HMCN1: variants seen among roughly 807,000 people sequenced by gnomAD.
HMCN1 encodes the protein hemicentin 1.
HMCN1 carries 321 observed loss-of-function variants against 625.9 expected under a neutral mutation model. The ratio of observed to expected loss-of-function variants is 0.51; its 90% CI spans 0.47 to 0.56. HMCN1 has a LOEUF of 0.56. Among genes scored for constraint, HMCN1 ranks in the 20% least tolerant of loss-of-function variants. The pLI, the probability that HMCN1 is intolerant of heterozygous loss-of-function variation, is 0.00. For missense variants in HMCN1, 6,588 were observed against 6,887.3 expected, an observed-to-expected ratio of 0.96 and a Z score of 1.54; for synonymous variants, 2,425 against 2,417.6, an observed-to-expected ratio of 1.00 and a Z score of -0.09.
At chr1:186,025,505 C>T (rs1655005793) in intron 36 of HMCN1, among the ~76,000 whole-genome samples, 2 of 152,184 alleles carry the variant, frequency 1.3e-5, no homozygotes, top group South Asian at 4.1e-4. Flanking sequence ...TTTGGAAAAA[C>T]ATTGGCCTAG....
At position 186,174,616 on chromosome 1, in the gene HMCN1, C is replaced by T. The variant is rs1315004350; in HGVS notation, c.15917C>T (p.Ser5306Phe). 6.2e-7 allele frequency: 1 copy of T among 1,613,990 alleles called. No individual in the cohort carries two copies. Among genetic ancestry groups the T allele is most frequent in the Non-Finnish European group, 8.5e-7 (1 of 1,179,918 alleles). ...YRCVCPRGYRSQGVGRPCMDI... is the reference protein window; with the variant it reads ...YRCVCPRGYRFQGVGRPCMDI... ...TGTGTATGCCCAAGAGGTTATCGGT[C>T]TCAAGGAGTTGGAAGACCCTGCATG... is the stretch of plus-strand genomic sequence containing the variant. Residue 5306 changes from serine to phenylalanine, a missense_variant, in exon 103 of 107, where the codon TCT becomes TTT. Around this residue, in one of 3 missense-constraint regions of HMCN1, gnomAD observed 1,954 missense variants for 2,013.1 expected, o/e 0.97. Coordinates refer to ENST00000271588, the MANE Select transcript of HMCN1 (RefSeq NM_031935.3).
intron 11 of HMCN1, among the ~76,000 whole-genome samples, chr1:185,951,825 T>C (rs1294800821): frequency 6.6e-6 from 1 of 151,662 alleles, no homozygotes; most frequent in African/African-American, 2.4e-5. Context: ...CATTTGGAAG[T>C]TCTTGTGTGC....
intron 11 of HMCN1, 92 bp from the exon 12 acceptor site, chr1:185,962,426 G>A: frequency 1.0e-6 from 1 of 990,390 alleles, no homozygotes; most frequent in Non-Finnish European, 1.6e-6. Context: ...TAAAGATGTG[G>A]TGGTGAGAAA....
intron 1 of HMCN1, among the ~76,000 whole-genome samples, chr1:185,746,605 C>CTTTTTT (rs59992589): frequency 6.0e-5 from 8 of 132,350 alleles, no homozygotes; most frequent in Admixed American, 7.6e-5. Flanking sequence ...TTTCCTTTTC[C>CTTTTTT]TTTTTTTTTT....
intron 4 of HMCN1, among the ~76,000 whole-genome samples, chr1:185,905,370 C>T (rs1045314142): frequency 2.0e-5 from 3 of 151,552 alleles, no homozygotes; most frequent in African/African-American, 7.3e-5. Context: ...ATGGTGTCTG[C>T]CCTCATAGAA....
At chr1:186,093,813 A>G (rs1286686129) in intron 66 of HMCN1, 144 bp downstream of exon 66, 2 of 1,064,458 alleles carry the variant, frequency 1.9e-6, no homozygotes, top group Non-Finnish European at 2.8e-6. Flanking sequence ...TAGTAGAGGA[A>G]GGACAACAAA....
chr1:186,112,157 C>A (rs1210224074), intron 71 of HMCN1, among the ~76,000 whole-genome samples: 1 of 152,124 alleles, frequency 6.6e-6, no homozygotes, highest in Admixed American at 6.5e-5. Context: ...AAAATAAATT[C>A]TTAAGAAATA....
chr1:185,909,827 T>C (rs1666314078), intron 5 of HMCN1, among the ~76,000 whole-genome samples: 2 of 152,128 alleles, frequency 1.3e-5, no homozygotes, highest in African/African-American at 4.8e-5. Flanking sequence ...TACAGTAACT[T>C]ACTCTGTCAA....
At chr1:186,108,050 A>G (rs1571361486) in intron 70 of HMCN1, among the ~76,000 whole-genome samples, 1 of 151,356 alleles carries the variant, frequency 6.6e-6, no homozygotes, top group Admixed American at 6.6e-5. Flanking sequence ...AAAAAAAAAA[A>G]AAAAAAAAAG....
chr1:185,786,332 C>A (rs962215381), intron 1 of HMCN1, among the ~76,000 whole-genome samples: 8 of 152,148 alleles, frequency 5.3e-5, no homozygotes, highest in Non-Finnish European at 1.2e-4. Context: ...GCATATTTAA[C>A]CTTCTTGTTT....
At position 186,189,754 on chromosome 1, in the gene HMCN1, G is replaced by T. The variant is rs765183136; in HGVS notation, c.16784G>T (p.Arg5595Leu). The T allele has an allele frequency of 1.2e-6, 2 of 1,613,458 alleles. No homozygotes were observed. Among genetic ancestry groups the T allele is most frequent in the South Asian group, 2.2e-5 (2 of 91,050 alleles). ...ENLKGVVYTT[R>L]PLREAETYRM... ...CTGAAAGGAGTGGTGTATACAACAC[G>T]ACCACTACGAGAAGCAGAGACCTAC... The change falls in exon 107 of 107, where the codon CGA becomes CTA. Residue 5595 changes from arginine to leucine, a missense_variant. This residue lies in a region of HMCN1 where 1,954 missense variants were observed against 2,013.1 expected (regional missense o/e 0.97). Transcript: ENST00000271588.
At chr1:185,901,269 TA>T (rs1372019190) in intron 4 of HMCN1, among the ~76,000 whole-genome samples, 1 of 151,808 alleles carries the variant, frequency 6.6e-6, no homozygotes, top group Non-Finnish European at 1.5e-5. Flanking sequence ...GCACAAAATC[TA>T]AAAATGTATT....
chr1:185,961,376 TAAATG>T (rs757176975), intron 11 of HMCN1, among the ~76,000 whole-genome samples: 1 of 152,196 alleles, frequency 6.6e-6, no homozygotes, highest in Non-Finnish European at 1.5e-5. Context: ...AAAACCAAAT[TAAATG>T]GAAAGCAGAC....
chr1:186,093,914 C>T (rs920685910), intron 66 of HMCN1, among the ~76,000 whole-genome samples: 44 of 152,044 alleles, frequency 2.9e-4, no homozygotes, highest in African/African-American at 1.0e-3. Flanking sequence ...GGTTTGTTAT[C>T]ATATATGTAT....
intron 85 of HMCN1, 56 bp from the exon 86 acceptor site, chr1:186,132,272 T>A (rs1661978172): frequency 8.1e-7 from 1 of 1,231,396 alleles, no homozygotes; most frequent in South Asian, 1.2e-5. Context: ...GTGAAAAAAG[T>A]GATTGCCCTG....
At position 186,018,282 on chromosome 1, in the gene HMCN1, A is replaced by T. The variant is rs772489088; in HGVS notation, c.5400A>T (p.Thr1800=). ...LVIAQAQVSN[T]GLYRCMAANT... ...TTGCTCAGGCTCAAGTGTCAAACAC[A>T]GGCCTTTATCGGTGCATGGCAGCAA... The change falls in exon 34 of 107, where the codon ACA becomes ACT. Residue 1800 remains threonine (T), a synonymous_variant. Coordinates refer to ENST00000271588, the MANE Select transcript of HMCN1 (RefSeq NM_031935.3). The T allele has an allele frequency of 6.2e-7, 1 of 1,613,032 alleles. No individual in the cohort carries two copies. The highest frequency in any genetic ancestry group is 1.1e-5 in the South Asian group (1 of 91,054).
At chr1:186,008,174 G>T (rs1653765038) in intron 30 of HMCN1, among the ~76,000 whole-genome samples, 1 of 151,930 alleles carries the variant, frequency 6.6e-6, no homozygotes, top group South Asian at 2.1e-4. Flanking sequence ...CTTTTGTTTT[G>T]CATGTTCCCT....
At chr1:185,744,786 C>T (rs1194578915) in intron 1 of HMCN1, among the ~76,000 whole-genome samples, 4 of 152,126 alleles carry the variant, frequency 2.6e-5, no homozygotes, top group Non-Finnish European at 4.4e-5. Context: ...TTTAATCAAA[C>T]ATTGAGGAGT....
chr1:185,787,769 C>T (rs541225984), intron 1 of HMCN1, among the ~76,000 whole-genome samples: 67 of 152,212 alleles, frequency 4.4e-4, no homozygotes, highest in African/African-American at 1.5e-3. Context: ...TTCTATGAGG[C>T]AGTTTTATTT....
Sources: allele counts gnomAD v4.1 joint callset (sites outside exome capture counted in the v4.1 genomes callset), GRCh38; gene constraint gnomAD v4.1.1; regional missense constraint gnomAD v4.1.1; transcripts MANE v1.5; gene names NCBI Gene and HGNC (gene_info 2026-07-23, HGNC 2026-07-21).